Variants in PHF14 observed in about 807,000 individuals in gnomAD.
PHF14 encodes PHD finger protein 14.
A neutral mutation model predicts 117.9 loss-of-function variants in PHF14; 55 were observed. The observed-to-expected ratio is 0.47, with a 90% CI of 0.38 to 0.58. The LOEUF is 0.58. PHF14 is among the 20% of genes least tolerant of loss of function. PHF14 has a pLI of 0.00. For synonymous variants in PHF14, 409 were observed against 368.6 expected, an observed-to-expected ratio of 1.11 and a Z score of -1.26; for missense variants, 978 against 1,122.2, an observed-to-expected ratio of 0.87 and a Z score of 1.84.
intron 16 of PHF14, among the ~76,000 whole-genome samples, chr7:11,092,944 A>G (rs1786699194): frequency 1.3e-5 from 2 of 152,164 alleles, no homozygotes; most frequent in Non-Finnish European, 2.9e-5. Flanking sequence ...TCAGATTGGC[A>G]TGGCAACGTT....
chr7:10,992,788 A>G (rs543295370), intron 4 of PHF14, among the ~76,000 whole-genome samples: 19 of 152,326 alleles, frequency 1.2e-4, no homozygotes, highest in South Asian at 6.2e-4. Context: ...GATGTTGCCA[A>G]TTGTCCCAAC....
intron 16 of PHF14, chr7:11,106,480 T>C: frequency 1.1e-6 from 1 of 948,010 alleles, no homozygotes; most frequent in Non-Finnish European, 1.3e-6. Flanking sequence ...TTACAAGGAA[T>C]AAAATATTGT....
intron 17 of PHF14, among the ~76,000 whole-genome samples, chr7:11,167,241 G>C (rs1789228689): frequency 6.6e-6 from 1 of 152,172 alleles, no homozygotes; most frequent in Non-Finnish European, 1.5e-5. Flanking sequence ...GACTGTCCGT[G>C]TGATAAAGGC....
At chr7:11,096,303 G>A (rs1325956936) in intron 16 of PHF14, among the ~76,000 whole-genome samples, 1 of 152,068 alleles carries the variant, frequency 6.6e-6, no homozygotes, top group Non-Finnish European at 1.5e-5. Flanking sequence ...AATTTTCACA[G>A]TAGGATATTC....
intron 17 of PHF14, among the ~76,000 whole-genome samples, chr7:11,152,698 G>C (rs1464443611): frequency 6.6e-6 from 1 of 152,110 alleles, no homozygotes; most frequent in East Asian, 1.9e-4. Context: ...ACTCTAGTAA[G>C]GCAGACAGAC....
chr7:10,989,885 C>T (rs1782383273), intron 3 of PHF14, among the ~76,000 whole-genome samples: 1 of 152,196 alleles, frequency 6.6e-6, no homozygotes, highest in Non-Finnish European at 1.5e-5. Flanking sequence ...CCTGCTTCAA[C>T]CTCCCACTGT....
chr7:11,081,867 A>G (rs947131793), intron 16 of PHF14, among the ~76,000 whole-genome samples: 9 of 146,738 alleles, frequency 6.1e-5, no homozygotes, highest in African/African-American at 2.5e-4. Context: ...AAAAAAAAAA[A>G]AGAGATTTAT....
At chr7:11,036,246 A>G (rs116867228) in intron 8 of PHF14, among the ~76,000 whole-genome samples, 172 bp from the exon 9 acceptor site, 1 of 152,322 alleles carries the variant, frequency 6.6e-6, no homozygotes, top group East Asian at 1.9e-4. Flanking sequence ...AGTTTATTGT[A>G]ACTCAAAAAT....
intron 14 of PHF14, among the ~76,000 whole-genome samples, chr7:11,056,312 T>G (rs1035513240): frequency 1.3e-5 from 2 of 152,204 alleles, no homozygotes; most frequent in African/African-American, 4.8e-5. Flanking sequence ...CCTTATTTTG[T>G]ATATACCATT....
intron 16 of PHF14, among the ~76,000 whole-genome samples, chr7:11,066,220 A>G (rs766324507): frequency 1.3e-5 from 2 of 152,198 alleles, no homozygotes; most frequent in African/African-American, 4.8e-5. Context: ...GCAAGAATTC[A>G]TATGTATTAC....
intron 17 of PHF14, among the ~76,000 whole-genome samples, chr7:11,156,978 CTG>C (rs1199367321): frequency 1.3e-5 from 2 of 152,108 alleles, no homozygotes; most frequent in Admixed American, 6.5e-5. Context: ...GATATCATAA[CTG>C]AACTCTGTAG....
intron 4 of PHF14, among the ~76,000 whole-genome samples, chr7:11,001,562 C>T (rs75331171): frequency 0.027 from 4,129 of 151,654 alleles, 202 homozygotes; most frequent in African/African-American, 0.095. Flanking sequence ...TCTTTGATTT[C>T]TTTCATCAGA....
chr7:11,117,736 G>A (rs1202553938), intron 17 of PHF14, among the ~76,000 whole-genome samples: 1 of 151,162 alleles, frequency 6.6e-6, no homozygotes, highest in Non-Finnish European at 1.5e-5. Context: ...CATTAAACAA[G>A]CACATTTAAT....
At chr7:11,072,455 C>G (rs771884875) in intron 16 of PHF14, among the ~76,000 whole-genome samples, 1 of 152,104 alleles carries the variant, frequency 6.6e-6, no homozygotes, top group African/African-American at 2.4e-5. Context: ...AGGTTTTAAA[C>G]CTTCTTTTGT....
intron 6 of PHF14, among the ~76,000 whole-genome samples, chr7:11,027,263 G>T (rs1450713707): frequency 6.6e-6 from 1 of 151,864 alleles, no homozygotes; most frequent in Non-Finnish European, 1.5e-5. Flanking sequence ...ATTGCTATTT[G>T]CCAGTATATT....
intron 16 of PHF14, chr7:11,109,096 A>C (rs908902186): frequency 2.9e-4 from 44 of 151,832 alleles, no homozygotes; most frequent in African/African-American, 8.7e-4. Context: ...TTAACTCAGT[A>C]GCAATTATCA....
intron 17 of PHF14, among the ~76,000 whole-genome samples, chr7:11,144,749 T>C (rs904976521): frequency 1.3e-5 from 2 of 151,758 alleles, no homozygotes; most frequent in Non-Finnish European, 2.9e-5. Context: ...GATAAATGTT[T>C]GTGGTGATGT....
intron 16 of PHF14, among the ~76,000 whole-genome samples, chr7:11,076,210 G>C (rs941508169): frequency 6.6e-6 from 1 of 152,196 alleles, no homozygotes; most frequent in African/African-American, 2.4e-5. Context: ...AACCTCTATA[G>C]TCTCAGCATA....
At chr7:11,118,734 A>T (rs925571527) in intron 17 of PHF14, among the ~76,000 whole-genome samples, 3 of 151,846 alleles carry the variant, frequency 2.0e-5, no homozygotes, top group Non-Finnish European at 4.4e-5. Flanking sequence ...TCTTAATAGT[A>T]TTAATAGAAT....
Sources: allele counts gnomAD v4.1 joint callset (sites outside exome capture counted in the v4.1 genomes callset), GRCh38; gene constraint gnomAD v4.1.1; transcripts MANE v1.5; gene names NCBI Gene and HGNC (gene_info 2026-07-23, HGNC 2026-07-21).